Variants in PCDHGA8 observed in about 807,000 individuals in gnomAD.
PCDHGA8 encodes the protein protocadherin gamma subfamily A, 8.
Under a neutral mutation model 59.2 loss-of-function variants are expected in PCDHGA8, and 45 were observed. The observed-to-expected ratio is 0.76, with a 90% CI of 0.60 to 0.98. PCDHGA8 has a LOEUF of 0.98. Among genes scored for constraint, PCDHGA8 ranks in the 50% least tolerant of loss-of-function variants. The probability of loss-of-function intolerance (pLI) is 0.00; values close to 1 mark genes in which losing one functional copy is unlikely to be tolerated. For synonymous variants in PCDHGA8, 531 were observed against 519.0 expected (o/e 1.02, Z -0.32); for missense variants, 1,257 against 1,196.2 (o/e 1.05, Z -0.75).
Position 141,393,194 on chromosome 5 carries a change from C to T in PCDHGA8, c.381C>T (p.Asn127=), listed in dbSNP as rs770162660. ...TAGAAATAGAAATAATTGATATTAA[C>T]GATAATAACCCAAAATTCCAGGTCG... is the stretch of plus-strand genomic sequence containing the variant. ...FGVEIEIIDI[N]DNNPKFQVED... The change falls in exon 1 of 4, where the codon AAC becomes AAT. Residue 127 remains asparagine (N), a synonymous_variant. Coordinates refer to ENST00000398604, the MANE Select transcript of PCDHGA8 (RefSeq NM_032088.2). 4 of 1,613,360 alleles carry T rather than the reference C, an allele frequency of 2.5e-6. No individual in the cohort carries two copies. The highest frequency in any genetic ancestry group is 2.5e-6 in the Non-Finnish European group (3 of 1,179,876).
intron 1 of PCDHGA8, chr5:141,430,826 CT>C (rs765096486): frequency 1.3e-6 from 2 of 1,550,416 alleles, no homozygotes; most frequent in East Asian, 2.2e-5. Flanking sequence ...CCTGGGGACT[CT>C]GTGGGAGACC....
intron 1 of PCDHGA8, chr5:141,398,999 A>C: frequency 6.2e-7 from 1 of 1,613,964 alleles, no homozygotes; most frequent in East Asian, 2.2e-5. Context: ...TTTAGTCTGA[A>C]TTCAAAGAGC....
chr5:141,405,346 G>C (rs184640789), intron 1 of PCDHGA8: 4 of 1,614,108 alleles, frequency 2.5e-6, no homozygotes, highest in Non-Finnish European at 3.4e-6. Context: ...TTGATTCCAA[G>C]TTTCCTATAG....
Position 141,505,388 on chromosome 5 carries a change from C to T in PCDHGA8, c.2484-5C>T, listed in dbSNP as rs756505223. ...TCTGTGCTCACCATCCTACTCTCTCCCCAGCTCCCAAAATGGCGATGACAC... is the reference window on the plus strand; with the variant it reads ...TCTGTGCTCACCATCCTACTCTCTCTCCAGCTCCCAAAATGGCGATGACAC... On this transcript the variant is annotated splice_polypyrimidine_tract_variant and splice_region_variant and intron_variant, in intron 2 of 3. Transcript: ENST00000398604. The T allele has an allele frequency of 6.2e-7, 1 of 1,613,972 alleles. No homozygotes were observed. The highest frequency in any genetic ancestry group is 2.2e-5 in the East Asian group (1 of 44,886).
chr5:141,412,790 A>G lies in PCDHGA8; in HGVS notation c.2424+17553A>G, dbSNP rs557299291. ...ATTTACAATATTTTCACTCCACTTTATCACACCTCCCCTAAGAAACCTACA... is the reference window on the plus strand; with the variant it reads ...ATTTACAATATTTTCACTCCACTTTGTCACACCTCCCCTAAGAAACCTACA... On this transcript the variant is annotated intron_variant, in intron 1 of 3. Coordinates refer to ENST00000398604, the MANE Select transcript of PCDHGA8 (RefSeq NM_032088.2). Among the ~76,000 whole-genome samples the G allele has an allele frequency of 2.0e-5, 3 of 152,370 alleles. No individual in the cohort carries two copies. The South Asian group carries it at 6.2e-4, about 32-fold the overall frequency.
chr5:141,476,574 G>A lies in PCDHGA8; in HGVS notation c.2425-18233G>A, dbSNP rs746783993. ...AGCGAGGCCGTGGCTCCGGGGACGC[G>A]CTTTCCGCTCGAGAGCGCGCACGAT... is the stretch of plus-strand genomic sequence containing the variant. On this transcript the variant is annotated intron_variant, in intron 1 of 3. Coordinates refer to ENST00000398604, the MANE Select transcript of PCDHGA8 (RefSeq NM_032088.2). The surrounding 1 kb of genome is among the most constrained non-coding windows in gnomAD (Gnocchi z 7.6). 40 of 1,614,084 alleles carry A rather than the reference G, an allele frequency of 2.5e-5. No homozygotes were observed. In the African/African-American group the frequency reaches 3.7e-4, roughly 15 times the overall value.
At chr5:141,484,912 T>G (rs1594427765) in intron 1 of PCDHGA8, 1 of 437,066 alleles carries the variant, frequency 2.3e-6, no homozygotes, top group East Asian at 4.0e-5. Flanking sequence ...TGCGACGCAT[T>G]AACCCTGCTG....
At chr5:141,507,531 C>T (rs1467914007) in intron 3 of PCDHGA8, among the ~76,000 whole-genome samples, 3 of 151,964 alleles carry the variant, frequency 2.0e-5, no homozygotes, top group African/African-American at 7.2e-5. Flanking sequence ...CCAGAGAGGC[C>T]AGAGACTGAG....
Position 141,485,943 on chromosome 5 carries a change from C to A in PCDHGA8, c.2425-8864C>A, listed in dbSNP as rs750871245. The A allele has an allele frequency of 1.9e-6, 3 of 1,614,126 alleles. No individual in the cohort carries two copies. Among genetic ancestry groups the A allele is most frequent in the Non-Finnish European group, 1.7e-6 (2 of 1,180,012 alleles). ...ATTAGTGTGTTGGAGAGCGCACCAG[C>A]GGGCATGGTGCTCATCCAGCTCAAT... is the stretch of plus-strand genomic sequence containing the variant. On this transcript the variant is annotated intron_variant, in intron 1 of 3. Coordinates refer to ENST00000398604, the MANE Select transcript of PCDHGA8 (RefSeq NM_032088.2). The surrounding 1 kb of genome is among the most constrained non-coding windows in gnomAD (Gnocchi z 5.7).
intron 1 of PCDHGA8, chr5:141,416,811 A>C (rs1355425793): frequency 2.6e-5 from 4 of 152,188 alleles, no homozygotes; most frequent in Non-Finnish European, 5.9e-5. Context: ...AAAGTCAAAA[A>C]GCATTCCGAA....
In PCDHGA8 at chr5:141,476,012, T is replaced by C. The variant is rs2099383969; in HGVS notation, c.2425-18795T>C. The stretch of plus-strand genomic sequence containing the variant: ...CAAATCAACGGCATCCAGAAAGCCA[T>C]GTCGGACTCGGCGCCCAGCGCCCAA... On this transcript the variant is annotated intron_variant, in intron 1 of 3. Coordinates refer to ENST00000398604, the MANE Select transcript of PCDHGA8 (RefSeq NM_032088.2). This position sits in a 1 kb window ranked among gnomAD's most constrained non-coding sequence, Gnocchi z 7.6. 7.6e-7 allele frequency: 1 copy of C among 1,317,178 alleles called. No individual in the cohort carries two copies. The highest frequency in any genetic ancestry group is 1.4e-5 in the South Asian group (1 of 69,696). The allele number at this position is 1,317,178 out of a possible 1,614,324, so 81.6% of individuals were successfully genotyped here. A position where few individuals can be genotyped will look rare whatever the true frequency, so the allele number is the denominator to read the frequency against.
intron 1 of PCDHGA8, chr5:141,419,023 A>C: frequency 6.2e-7 from 1 of 1,613,958 alleles, no homozygotes; most frequent in East Asian, 2.2e-5. Context: ...GCTTAAGTAG[A>C]GGTGTTCCAT....
At chr5:141,399,041 T>A (rs375762745) in intron 1 of PCDHGA8, 150 of 1,613,746 alleles carry the variant, frequency 9.3e-5, no homozygotes, top group Non-Finnish European at 1.2e-4. Context: ...AAACTGGATT[T>A]TGAAGAGACC....
intron 3 of PCDHGA8, chr5:141,508,084 T>A (rs1422530110): frequency 6.6e-6 from 1 of 152,432 alleles, no homozygotes; most frequent in East Asian, 1.9e-4. Flanking sequence ...CTGGAGTTGC[T>A]GCCTTGGCCC....
intron 2 of PCDHGA8, among the ~76,000 whole-genome samples, chr5:141,501,223 T>G (rs1247662371): frequency 6.6e-6 from 1 of 151,280 alleles, no homozygotes; most frequent in African/African-American, 2.4e-5. Flanking sequence ...CTTCCTAGAT[T>G]TCTCAGTTTT....
chr5:141,476,666 G>C lies in PCDHGA8; in HGVS notation c.2425-18141G>C, dbSNP rs2099395856. On this transcript the variant is annotated intron_variant, in intron 1 of 3. Coordinates refer to ENST00000398604, the MANE Select transcript of PCDHGA8 (RefSeq NM_032088.2). This position sits in a 1 kb window ranked among gnomAD's most constrained non-coding sequence, Gnocchi z 7.6. The stretch of plus-strand genomic sequence containing the variant: ...CCGAAATGAATACTTTGCGCTTCGC[G>C]TGCAGACGCGGGAGGACAGCACCAA... 6.2e-7 allele frequency: 1 copy of C among 1,614,246 alleles called. No individual in the cohort carries two copies. The highest frequency in any genetic ancestry group is 8.5e-7 in the Non-Finnish European group (1 of 1,180,044).
intron 2 of PCDHGA8, among the ~76,000 whole-genome samples, chr5:141,496,406 G>C (rs1485949584): frequency 6.6e-6 from 1 of 152,160 alleles, no homozygotes; most frequent in African/African-American, 2.4e-5. Flanking sequence ...CTCAATGGTT[G>C]AGTACTTGCT....
chr5:141,489,381 T>A lies in PCDHGA8; in HGVS notation c.2425-5426T>A. 1 of 1,613,894 alleles carries A rather than the reference T, an allele frequency of 6.2e-7. No homozygotes were observed. The highest frequency in any genetic ancestry group is 8.5e-7 in the Non-Finnish European group (1 of 1,179,802). ...CTGAGCCGGGGACGCTGGTGGGGAATGTTGCTCAGGATCTGGGCTTAAAGA... is the reference window on the plus strand; with the variant it reads ...CTGAGCCGGGGACGCTGGTGGGGAAAGTTGCTCAGGATCTGGGCTTAAAGA... On this transcript the variant is annotated intron_variant, in intron 1 of 3. Transcript: ENST00000398604. The surrounding 1 kb of genome is among the most constrained non-coding windows in gnomAD (Gnocchi z 4.5).
In PCDHGA8 at chr5:141,395,216, G is replaced by T; in HGVS notation, c.2403G>T (p.Lys801Asn). Residue 801 changes from lysine (K) to asparagine (N), a missense_variant, in exon 1 of 4, where the codon AAG (lysine) becomes AAT (asparagine). Coordinates refer to ENST00000398604, the MANE Select transcript of PCDHGA8 (RefSeq NM_032088.2). ...CATCCGTAGATTTTCATGAATATAA[G>T]AATGAAGCTGATCATGGTCAGGTGA... ...LLTSVDFHEY[K>N]NEADHGQQAP... 1 of 1,612,150 alleles carries T rather than the reference G, an allele frequency of 6.2e-7. No homozygotes were observed. Among genetic ancestry groups the T allele is most frequent in the Non-Finnish European group, 8.5e-7 (1 of 1,178,746 alleles).
Sources: allele counts gnomAD v4.1 joint callset (sites outside exome capture counted in the v4.1 genomes callset), GRCh38; gene constraint gnomAD v4.1.1; non-coding constraint Gnocchi (gnomAD v3.1); transcripts MANE v1.5; gene names NCBI Gene and HGNC (gene_info 2026-07-23, HGNC 2026-07-21).